SPIDR: variants seen among roughly 807,000 people sequenced by gnomAD.
SPIDR encodes the protein DNA repair-scaffolding protein.
SPIDR carries 93 observed loss-of-function variants against 104.6 expected under a neutral mutation model. That is an observed-to-expected ratio of 0.89 (90% CI 0.75 to 1.06). The LOEUF is 1.06. SPIDR is among the 50% of genes least tolerant of loss of function. The probability of loss-of-function intolerance (pLI) is 0.00; values close to 1 mark genes in which losing one functional copy is unlikely to be tolerated. For synonymous variants in SPIDR, 431 were observed against 416.9 expected, an observed-to-expected ratio of 1.03 and a Z score of -0.41; for missense variants, 1,154 against 1,111.2, an observed-to-expected ratio of 1.04 and a Z score of -0.55.
At chr8:47,728,771 G>C in intron 17 of SPIDR, 162 bp from the exon 18 acceptor site, 1 of 714,600 alleles carries the variant, frequency 1.4e-6, no homozygotes, top group Non-Finnish European at 2.2e-6. Flanking sequence ...TGGACAGGCT[G>C]AGTCCAGGCA....
intron 5 of SPIDR, among the ~76,000 whole-genome samples, chr8:47,358,475 T>G (rs2055022120): frequency 6.6e-6 from 1 of 152,204 alleles, no homozygotes; most frequent in African/African-American, 2.4e-5. Context: ...ATGATAAATT[T>G]ACAATGTATA....
intron 8 of SPIDR, among the ~76,000 whole-genome samples, chr8:47,517,929 C>T (rs914828031): frequency 6.6e-6 from 1 of 152,146 alleles, no homozygotes; most frequent in Non-Finnish European, 1.5e-5. Flanking sequence ...ATATTATATT[C>T]CTATACATCA....
chr8:47,616,686 GT>G (rs1217223912), intron 10 of SPIDR, among the ~76,000 whole-genome samples: 1 of 152,188 alleles, frequency 6.6e-6, no homozygotes, highest in Non-Finnish European at 1.5e-5. Context: ...GTATAGAAAA[GT>G]TTGCGAAGAT....
At chr8:47,495,482 A>G (rs1395718149) in intron 8 of SPIDR, among the ~76,000 whole-genome samples, 2 of 152,132 alleles carry the variant, frequency 1.3e-5, no homozygotes, top group Admixed American at 6.6e-5. Context: ...GAGTTGTACA[A>G]CCATGAGAAT....
At chr8:47,367,377 C>T (rs1554635296) in intron 5 of SPIDR, among the ~76,000 whole-genome samples, 1 of 152,154 alleles carries the variant, frequency 6.6e-6, no homozygotes, top group East Asian at 1.9e-4. Flanking sequence ...AACTAAGCTC[C>T]ACCACCACCT....
intron 5 of SPIDR, among the ~76,000 whole-genome samples, chr8:47,359,266 AAAG>A (rs1328021503): frequency 6.6e-6 from 1 of 151,820 alleles, no homozygotes; most frequent in Non-Finnish European, 1.5e-5. Context: ...AAAAAAAAAA[AAAG>A]TTTTTTTTTA....
chr8:47,506,126 G>C (rs1402832983), intron 8 of SPIDR, among the ~76,000 whole-genome samples: 1 of 152,180 alleles, frequency 6.6e-6, no homozygotes, highest in Non-Finnish European at 1.5e-5. Context: ...CTCAGTTGCA[G>C]ATGACAGAAT....
chr8:47,703,011 G>A (rs1354137293), intron 14 of SPIDR, among the ~76,000 whole-genome samples: 1 of 152,204 alleles, frequency 6.6e-6, no homozygotes, highest in Non-Finnish European at 1.5e-5. Context: ...TGGTGGGGGT[G>A]GCACCAGGGG....
intron 12 of SPIDR, 36 bp from the exon 13 acceptor site, chr8:47,701,685 A>G (rs748978188): frequency 1.3e-4 from 207 of 1,601,156 alleles, no homozygotes; most frequent in Non-Finnish European, 1.6e-4. Flanking sequence ...TCTTTTAACA[A>G]TACATTCACC....
intron 10 of SPIDR, among the ~76,000 whole-genome samples, chr8:47,617,421 C>T (rs772894007): frequency 6.1e-4 from 93 of 152,218 alleles, no homozygotes; most frequent in Non-Finnish European, 1.1e-3. Flanking sequence ...ATGTTTGTTT[C>T]AGGATTAATG....
At chr8:47,483,763 G>A (rs1451648163) in intron 8 of SPIDR, among the ~76,000 whole-genome samples, 1 of 152,150 alleles carries the variant, frequency 6.6e-6, no homozygotes, top group East Asian at 1.9e-4. Flanking sequence ...CAGCTGTATA[G>A]ACTTTCAGGT....
intron 6 of SPIDR, among the ~76,000 whole-genome samples, chr8:47,403,070 A>C (rs576509683): frequency 6.6e-6 from 1 of 152,240 alleles, no homozygotes; most frequent in African/African-American, 2.4e-5. Context: ...AGTAAACGTA[A>C]TCCATTATAT....
At chr8:47,687,154 G>T (rs2077931637) in intron 11 of SPIDR, among the ~76,000 whole-genome samples, 2 of 152,072 alleles carry the variant, frequency 1.3e-5, no homozygotes, top group Admixed American at 6.5e-5. Context: ...ATTGAACCTG[G>T]ACCATACATT....
At chr8:47,639,072 A>G (rs1038822728) in intron 10 of SPIDR, among the ~76,000 whole-genome samples, 6 of 152,246 alleles carry the variant, frequency 3.9e-5, no homozygotes, top group South Asian at 4.1e-4. Flanking sequence ...TTAACTACCA[A>G]TTGTCAAATA....
chr8:47,330,998 T>C, intron 5 of SPIDR: 3 of 316,550 alleles, frequency 9.5e-6, no homozygotes, highest in Non-Finnish European at 6.4e-6. Flanking sequence ...TGCTCCATAT[T>C]CTTGTCAGCA....
chr8:47,591,944 T>G (rs2061066708), intron 8 of SPIDR, among the ~76,000 whole-genome samples: 1 of 152,222 alleles, frequency 6.6e-6, no homozygotes, highest in African/African-American at 2.4e-5. Context: ...ATGATACTTC[T>G]AGCTTCTGCT....
rs370303498 is a variant in SPIDR, at chr8:47,726,429, T to C, written c.2342-771T>C. 3.8e-3 allele frequency among the ~76,000 whole-genome samples: 578 copies of C among 152,362 alleles called. 3 individuals are homozygous for C. Among genetic ancestry groups the C allele is most frequent in the South Asian group, 0.022 (108 of 4,830 alleles). On this transcript the variant is annotated intron_variant, in intron 16 of 19. Transcript: ENST00000297423. Reference sequence around the variant, plus strand: ...TTTACTTTTTCTTCAAACATCTAATTTCACCGCTTTTCAACAAGGACATCT... The same window carrying C: ...TTTACTTTTTCTTCAAACATCTAATCTCACCGCTTTTCAACAAGGACATCT...
intron 1 of SPIDR, among the ~76,000 whole-genome samples, chr8:47,274,960 A>G (rs1345065891): frequency 2.6e-5 from 4 of 150,952 alleles, no homozygotes; most frequent in African/African-American, 7.3e-5. Context: ...AAAGACTACA[A>G]TAGAAAATAC....
intron 7 of SPIDR, among the ~76,000 whole-genome samples, chr8:47,417,836 A>G (rs2154331563): frequency 6.6e-6 from 1 of 152,266 alleles, no homozygotes; most frequent in South Asian, 2.1e-4. Context: ...TCAGCTTTCT[A>G]CATATGGCTA....
Sources: allele counts gnomAD v4.1 joint callset (sites outside exome capture counted in the v4.1 genomes callset), GRCh38; gene constraint gnomAD v4.1.1; transcripts MANE v1.5; gene names NCBI Gene and HGNC (gene_info 2026-07-23, HGNC 2026-07-21).